The following NDUFAF6 variants were observed in gnomAD, a reference collection of about 807,000 sequenced individuals.
NDUFAF6 encodes NADH dehydrogenase (ubiquinone) complex I, assembly factor 6.
A neutral mutation model predicts 40.8 loss-of-function variants in NDUFAF6; 45 were observed. The ratio of observed to expected loss-of-function variants is 1.10; its 90% CI spans 0.87 to 1.42. NDUFAF6 has a LOEUF of 1.42. Among genes scored for constraint, NDUFAF6 ranks in the 40% most tolerant of loss-of-function variants. The pLI is 0.00. For missense variants in NDUFAF6, 435 were observed against 418.5 expected (o/e 1.04, Z -0.34); for synonymous variants, 185 against 155.9 (o/e 1.19, Z -1.39).
intron 1 of NDUFAF6, chr8:94,929,535 A>T (rs560439953): frequency 6.6e-6 from 1 of 152,270 alleles, no homozygotes; most frequent in East Asian, 1.9e-4. Context: ...AGGCTCCATG[A>T]CAGAGGATTT....
chr8:94,988,381 C>G (rs1006467894), intron 2 of NDUFAF6: 9 of 152,124 alleles, frequency 5.9e-5, no homozygotes, highest in African/African-American at 2.2e-4. Flanking sequence ...ATTCTGGTGA[C>G]TCATGACTTG....
At chr8:95,074,891 G>A (rs1832985136) in intron 9 of NDUFAF6, among the ~76,000 whole-genome samples, 1 of 152,124 alleles carries the variant, frequency 6.6e-6, no homozygotes, top group Non-Finnish European at 1.5e-5. Context: ...GTTATGATTA[G>A]GCTTTGCAAA....
At chr8:95,026,898 A>T (rs1828212960) in intron 1 of NDUFAF6, among the ~76,000 whole-genome samples, 1 of 152,012 alleles carries the variant, frequency 6.6e-6, no homozygotes, top group Admixed American at 6.6e-5. Flanking sequence ...AAATAAAAAA[A>T]TTAGCTGGGC....
intron 1 of NDUFAF6, among the ~76,000 whole-genome samples, chr8:94,933,135 T>A (rs905973399): frequency 3.3e-5 from 5 of 151,708 alleles, no homozygotes; most frequent in Non-Finnish European, 7.4e-5. Flanking sequence ...GGAGAATCAC[T>A]TGAACCCAGT....
chr8:94,962,606 TTTG>T (rs1302396089), intron 1 of NDUFAF6, among the ~76,000 whole-genome samples: 11 of 140,292 alleles, frequency 7.8e-5, no homozygotes, highest in Admixed American at 1.4e-4. Flanking sequence ...ACTTCTGTTT[TTTG>T]TTTTTTGTTT....
intron 1 of NDUFAF6, among the ~76,000 whole-genome samples, chr8:94,909,910 A>C (rs1309083954): frequency 6.6e-6 from 1 of 151,948 alleles, no homozygotes; most frequent in Non-Finnish European, 1.5e-5. Flanking sequence ...ACTCAGCCTG[A>C]GAGAGTGCAT....
chr8:95,044,062 C>T (rs1830444339), intron 4 of NDUFAF6, among the ~76,000 whole-genome samples: 1 of 152,044 alleles, frequency 6.6e-6, no homozygotes, highest in South Asian at 2.1e-4. Flanking sequence ...ATTTATTCAA[C>T]TAAAAAGAAT....
At position 94,999,287 on chromosome 8, in the gene NDUFAF6, C is replaced by T. The variant is rs183617348; in HGVS notation, c.-84+18314C>T. 1.2e-4 allele frequency among the ~76,000 whole-genome samples: 19 copies of T among 152,196 alleles called. No individual in the cohort carries two copies. In the East Asian group the frequency reaches 3.7e-3, roughly 29 times the overall value. ...TACAGGTGCACGCCACCACACCCAG[C>T]TAATTTTTGTATTTTTAGTAGAGAC... On this transcript the variant is annotated intron_variant, in intron 2 of 9. Coordinates refer to the NDUFAF6 transcript ENST00000396111.
chr8:94,900,500 T>A (rs538136598), intron 1 of NDUFAF6, among the ~76,000 whole-genome samples: 2 of 152,210 alleles, frequency 1.3e-5, no homozygotes, highest in African/African-American at 4.8e-5. Context: ...CATTGTAGAT[T>A]GTGAGACGTA....
At chr8:95,093,235 G>A (rs779340972) in intron 2 of NDUFAF6, among the ~76,000 whole-genome samples, 28 of 152,164 alleles carry the variant, frequency 1.8e-4, no homozygotes, top group Non-Finnish European at 4.0e-4. Context: ...CTTTATCTAT[G>A]TCTTGGGTTC....
intron 1 of NDUFAF6, among the ~76,000 whole-genome samples, chr8:94,961,701 G>A (rs1173816079): frequency 6.6e-6 from 1 of 152,128 alleles, no homozygotes; most frequent in Non-Finnish European, 1.5e-5. Flanking sequence ...GATATTACAG[G>A]CATGAGCCAC....
At chr8:94,917,560 C>A (rs1819219917) in intron 1 of NDUFAF6, among the ~76,000 whole-genome samples, 1 of 152,062 alleles carries the variant, frequency 6.6e-6, no homozygotes, top group Non-Finnish European at 1.5e-5. Context: ...TGTGTATTGG[C>A]AATGGCATCC....
At chr8:94,947,284 TA>T (rs11331443) in intron 2 of NDUFAF6, among the ~76,000 whole-genome samples, 116,973 of 143,134 alleles carry the variant, frequency 0.82, 49,496 homozygotes, top group Non-Finnish European at 0.92. Context: ...CAAAAAATAT[TA>T]AAAAAAAAAA....
At chr8:95,016,615 G>A (rs948668822) in intron 2 of NDUFAF6, among the ~76,000 whole-genome samples, 1 of 152,182 alleles carries the variant, frequency 6.6e-6, no homozygotes, top group African/African-American at 2.4e-5. Flanking sequence ...GGTGGCGTGT[G>A]CCTGTAGTCC....
intron 2 of NDUFAF6, among the ~76,000 whole-genome samples, chr8:95,088,728 T>TGTGTGTGTG (rs775391766): frequency 3.7e-5 from 2 of 54,148 alleles, no homozygotes; most frequent in African/African-American, 7.5e-5. Flanking sequence ...TGTGTGTGTG[T>TGTGTGTGTG]TTTCTTTTTG....
At chr8:95,084,368 AAAAT>A (rs1314171979) in intron 2 of NDUFAF6, among the ~76,000 whole-genome samples, 9 of 152,198 alleles carry the variant, frequency 5.9e-5, no homozygotes, top group African/African-American at 2.2e-4. Flanking sequence ...CATCTTTTAA[AAAAT>A]AAATAATTTT....
intron 1 of NDUFAF6, among the ~76,000 whole-genome samples, chr8:94,906,976 A>G (rs973598849): frequency 6.6e-6 from 1 of 152,242 alleles, no homozygotes; most frequent in South Asian, 2.1e-4. Context: ...AATGTTGGAC[A>G]GTAAATGAAA....
chr8:95,075,575 G>A (rs1325063717), intron 9 of NDUFAF6: 3 of 1,267,942 alleles, frequency 2.4e-6, no homozygotes, highest in Non-Finnish European at 3.1e-6. Flanking sequence ...GCATGGGAAT[G>A]TTTCCCTAGA....
At position 94,899,375 on chromosome 8, in the gene NDUFAF6, A is replaced by G. The variant is rs139144421; in HGVS notation, c.-936+3448A>G. The stretch of plus-strand genomic sequence containing the variant: ...TGCATACATAGTTGCCCAAACCAGA[A>G]TCCTGGGAGTGAACTTAGTCATTCC... On this transcript the variant is annotated intron_variant, in intron 1 of 14. Transcript: ENST00000396113. Among the ~76,000 whole-genome samples the G allele has an allele frequency of 2.4e-3, 369 of 152,354 alleles. 3 individuals carry two copies. Among genetic ancestry groups the G allele is most frequent in the African/African-American group, 8.6e-3 (356 of 41,568 alleles).
Sources: gnomAD v4.1 joint callset for allele counts (sites outside exome capture counted in the v4.1 genomes callset) on GRCh38, gnomAD v4.1.1 for gene constraint, MANE v1.5 for transcripts, NCBI Gene and HGNC (gene_info 2026-07-23, HGNC 2026-07-21) for gene names.